The following B3GALT1 variants were observed in gnomAD, a reference collection of about 807,000 sequenced individuals.
The protein encoded by B3GALT1 is beta-1,3-galactosyltransferase 1, also known as UDP-Gal:betaGlcNAc beta 1,3-galactosyltransferase, polypeptide 1.
In B3GALT1, 10 loss-of-function variants were observed where a neutral mutation model predicts 23.2. That is an observed-to-expected ratio of 0.43 (90% CI 0.27 to 0.73). The LOEUF (loss-of-function observed/expected upper bound fraction) is 0.73. Ranked by LOEUF, B3GALT1 falls within the 30% of genes least tolerant of loss-of-function variation. B3GALT1 has a pLI of 0.21. For missense variants in B3GALT1, 299 were observed against 405.4 expected (o/e 0.74, Z 2.25); for synonymous variants, 156 against 141.5 (o/e 1.10, Z -0.73).
At chr2:167,600,038 A>G (rs1016885522) in intron 2 of B3GALT1, among the ~76,000 whole-genome samples, 1 of 152,192 alleles carries the variant, frequency 6.6e-6, no homozygotes, top group Non-Finnish European at 1.5e-5. Context: ...ATTATACATT[A>G]CCAATCTACT....
chr2:167,864,077 T>C (rs542699669), intron 4 of B3GALT1, among the ~76,000 whole-genome samples: 5 of 152,212 alleles, frequency 3.3e-5, no homozygotes, highest in African/African-American at 1.2e-4. Context: ...TCTAAACTTC[T>C]TTAACAGTTT....
rs1689421477 is a variant in B3GALT1, at chr2:167,834,694, CA to C, written c.-230+15905del. Among the ~76,000 whole-genome samples the C allele has an allele frequency of 2.0e-5, 3 of 152,074 alleles. No individual in the cohort carries two copies. In the South Asian group the frequency reaches 6.2e-4, roughly 32 times the overall value. Reference sequence around the variant, plus strand: ...CAAAACCCCATCTCCACTAAAAATACAAAAGTTGGCTGGGCACAGTGCCACA... The same window carrying C: ...CAAAACCCCATCTCCACTAAAAATACAAAGTTGGCTGGGCACAGTGCCACA... On this transcript the variant is annotated intron_variant, in intron 4 of 4. Coordinates refer to ENST00000392690, the MANE Select transcript of B3GALT1 (RefSeq NM_020981.4).
chr2:167,802,938 T>C (rs1270094812), intron 3 of B3GALT1, among the ~76,000 whole-genome samples: 1 of 152,140 alleles, frequency 6.6e-6, no homozygotes, highest in African/African-American at 2.4e-5. Context: ...CACAAAGGTA[T>C]ATATTCACAT....
chr2:167,845,463 C>T (rs1034426758), intron 4 of B3GALT1, among the ~76,000 whole-genome samples: 2 of 152,190 alleles, frequency 1.3e-5, no homozygotes, highest in African/African-American at 4.8e-5. Context: ...GTCAGGTAGA[C>T]TTACTTACGG....
At chr2:167,458,454 A>G (rs920307123) in intron 1 of B3GALT1, among the ~76,000 whole-genome samples, 4 of 152,194 alleles carry the variant, frequency 2.6e-5, no homozygotes, top group African/African-American at 9.6e-5. Context: ...CATGTTTTCA[A>G]TTCTTTGGGG....
At chr2:167,676,775 G>A (rs1162400490) in intron 3 of B3GALT1, among the ~76,000 whole-genome samples, 1 of 152,094 alleles carries the variant, frequency 6.6e-6, no homozygotes, top group Non-Finnish European at 1.5e-5. Context: ...GGCCTCAAGT[G>A]ATCCACCTGC....
chr2:167,352,432 G>A (rs893000503), intron 1 of B3GALT1, among the ~76,000 whole-genome samples: 1 of 151,140 alleles, frequency 6.6e-6, no homozygotes, highest in African/African-American at 2.4e-5. Context: ...AAGATATCTC[G>A]AAACTGTAGC....
intron 1 of B3GALT1, among the ~76,000 whole-genome samples, chr2:167,341,806 C>T (rs1401847054): frequency 6.6e-6 from 1 of 152,180 alleles, no homozygotes; most frequent in African/African-American, 2.4e-5. Flanking sequence ...CCTGTTGTTA[C>T]TTGGTATGAC....
At chr2:167,379,492 T>G (rs1440145367) in intron 1 of B3GALT1, among the ~76,000 whole-genome samples, 1 of 152,184 alleles carries the variant, frequency 6.6e-6, no homozygotes, top group Non-Finnish European at 1.5e-5. Flanking sequence ...GGGTTTTGAC[T>G]TTGCTTCTAC....
chr2:167,764,756 T>C (rs1687949456), intron 3 of B3GALT1, among the ~76,000 whole-genome samples: 1 of 152,170 alleles, frequency 6.6e-6, no homozygotes, highest in Non-Finnish European at 1.5e-5. Flanking sequence ...ACTCCACAGA[T>C]TGCTTTCCTT....
At chr2:167,481,470 TA>T (rs1455700761) in intron 1 of B3GALT1, among the ~76,000 whole-genome samples, 1 of 148,206 alleles carries the variant, frequency 6.7e-6, no homozygotes, top group African/African-American at 2.4e-5. Flanking sequence ...AAATTAATGC[TA>T]AAATGTTTTT....
intron 1 of B3GALT1, among the ~76,000 whole-genome samples, chr2:167,328,840 G>A (rs1343170580): frequency 1.3e-5 from 2 of 151,160 alleles, no homozygotes; most frequent in African/African-American, 4.9e-5. Flanking sequence ...TTTTAACCAC[G>A]TCTCACTTGT....
intron 3 of B3GALT1, among the ~76,000 whole-genome samples, chr2:167,699,769 A>G (rs552191904): frequency 1.7e-4 from 26 of 152,264 alleles, no homozygotes; most frequent in Non-Finnish European, 3.1e-4. Flanking sequence ...CTGGACTACA[A>G]TGATGCGATC....
chr2:167,805,359 T>C (rs1156585170), intron 3 of B3GALT1, among the ~76,000 whole-genome samples: 1 of 152,148 alleles, frequency 6.6e-6, no homozygotes, highest in Non-Finnish European at 1.5e-5. Flanking sequence ...ATTTTGGCTT[T>C]TGTTGCCATT....
chr2:167,824,317 T>C (rs1370356897), intron 4 of B3GALT1, among the ~76,000 whole-genome samples: 2 of 152,204 alleles, frequency 1.3e-5, no homozygotes, highest in African/African-American at 2.4e-5. Context: ...AAGATCACTA[T>C]AGCTGGAGTG....
chr2:167,330,059 C>T (rs1019299440), intron 1 of B3GALT1, among the ~76,000 whole-genome samples: 7 of 152,032 alleles, frequency 4.6e-5, no homozygotes, highest in Admixed American at 3.9e-4. Flanking sequence ...TTGTCTAAAT[C>T]TCTTGCTAGA....
chr2:167,566,156 G>A (rs1159853713), intron 2 of B3GALT1, among the ~76,000 whole-genome samples: 1 of 152,142 alleles, frequency 6.6e-6, no homozygotes, highest in Admixed American at 6.5e-5. Context: ...ATACACCATG[G>A]AATACTATGC....
chr2:167,368,101 A>G (rs1697619268), intron 1 of B3GALT1, among the ~76,000 whole-genome samples: 1 of 152,192 alleles, frequency 6.6e-6, no homozygotes. Context: ...AAGAATGAGA[A>G]AGCATGACAC....
intron 2 of B3GALT1, among the ~76,000 whole-genome samples, chr2:167,584,357 A>C (rs1684548352): frequency 6.6e-6 from 1 of 152,204 alleles, no homozygotes; most frequent in Non-Finnish European, 1.5e-5. Flanking sequence ...CTATGGGGAA[A>C]AAACTCAGTT....
Sources: allele counts gnomAD v4.1 joint callset (sites outside exome capture counted in the v4.1 genomes callset), GRCh38; gene constraint gnomAD v4.1.1; transcripts MANE v1.5; gene names NCBI Gene and HGNC (gene_info 2026-07-23, HGNC 2026-07-21).